Variants in MIDN observed in about 807,000 individuals in gnomAD.
MIDN encodes midnolin.
MIDN carries 26 observed loss-of-function variants against 46.1 expected under a neutral mutation model. The ratio of observed to expected loss-of-function variants is 0.56; its 90% CI spans 0.41 to 0.78. The LOEUF is 0.78. MIDN is among the 30% of genes least tolerant of loss of function. The probability of loss-of-function intolerance (pLI) is 0.00; values close to 1 mark genes in which losing one functional copy is unlikely to be tolerated. For synonymous variants in MIDN, 432 were observed against 343.3 expected (o/e 1.26, Z -2.86); for missense variants, 850 against 771.8 (o/e 1.10, Z -1.20).
chr19:1,255,147 C>T (rs952952723), intron 7 of MIDN, 86 bp downstream of exon 7: 35 of 1,458,518 alleles, frequency 2.4e-5, no homozygotes, highest in South Asian at 1.4e-4. Flanking sequence ...GGCGACTCCA[C>T]ATATTCTGGG....
At position 1,251,911 on chromosome 19, in the gene MIDN, C is replaced by T. The variant is rs770794580; in HGVS notation, c.384+10C>T. On this transcript the variant is annotated intron_variant, in intron 4 of 8. Coordinates refer to ENST00000682408, the MANE Select transcript of MIDN (RefSeq NM_001388306.1). ...TCTCACGGAGACGCAGGTAAGACCT[C>T]GCCAGCCCCTTCCTAACAGGGCAGC... The T allele has an allele frequency of 5.0e-6, 8 of 1,611,878 alleles. No individual in the cohort carries two copies. Among genetic ancestry groups the T allele is most frequent in the Non-Finnish European group, 5.9e-6 (7 of 1,178,850 alleles).
chr19:1,250,990 C>T (rs1017663701), intron 2 of MIDN, among the ~76,000 whole-genome samples: 7 of 152,246 alleles, frequency 4.6e-5, no homozygotes, highest in East Asian at 1.9e-4. Context: ...CGCCTGCAGG[C>T]CCGGAGCCCT....
chr19:1,255,606 C>T lies in MIDN; in HGVS notation c.1170C>T (p.Pro390=). The part of the protein sequence containing the change: ...SPASPAPDLA[P]RTTSCEKLTA... ...CCTCACCGGCCCCCGACCTGGCCCCCAGAACTACCTCCTGCGAGAAGCTCA... is the reference window on the plus strand; with the variant it reads ...CCTCACCGGCCCCCGACCTGGCCCCTAGAACTACCTCCTGCGAGAAGCTCA... Residue 390 remains proline (P), a synonymous_variant, in exon 8 of 9, where the codon CCC becomes CCT. Transcript: ENST00000682408. 7.5e-6 allele frequency: 12 copies of T among 1,609,730 alleles called. No individual in the cohort carries two copies. The highest frequency in any genetic ancestry group is 1.0e-5 in the Non-Finnish European group (12 of 1,179,342).
At chr19:1,256,582 G>T (rs2081202180) in intron 8 of MIDN, among the ~76,000 whole-genome samples, 1 of 152,036 alleles carries the variant, frequency 6.6e-6, no homozygotes, top group Admixed American at 6.5e-5. Context: ...GAAGAATGAG[G>T]CAGGACAGTC....
intron 7 of MIDN, 117 bp from the exon 8 acceptor site, chr19:1,255,305 C>A: frequency 7.5e-7 from 1 of 1,341,762 alleles, no homozygotes; most frequent in Non-Finnish European, 1.0e-6. Context: ...CCCTCGTGCA[C>A]ATCAGCCCAC....
chr19:1,252,179 C>T (rs1332590692), intron 4 of MIDN, among the ~76,000 whole-genome samples: 5 of 152,198 alleles, frequency 3.3e-5, no homozygotes, highest in South Asian at 2.1e-4. Flanking sequence ...GCCTATGGGG[C>T]CTCATCCCCG....
At chr19:1,251,215 G>A (rs2081123515) in intron 2 of MIDN, 2 of 259,290 alleles carry the variant, frequency 7.7e-6, no homozygotes, top group South Asian at 5.0e-5. Context: ...ACTAGAATTA[G>A]GGAATTGGGG....
At chr19:1,254,130 G>A in intron 5 of MIDN, 37 bp from the exon 6 acceptor site, 1 of 1,571,640 alleles carries the variant, frequency 6.4e-7, no homozygotes, top group African/African-American at 1.4e-5. Context: ...GGCGCCGCAA[G>A]CTGGGGCTCC....
At chr19:1,249,675 T>TGGGGGCGGGGCGA (rs1352669694) in intron 1 of MIDN, among the ~76,000 whole-genome samples, 6 of 129,776 alleles carry the variant, frequency 4.6e-5, no homozygotes, top group Non-Finnish European at 1.0e-4. Context: ...GCCTGGGCGC[T>TGGGGGCGGGGCGA]GGGGGCGGGG....
chr19:1,249,015 CA>C (rs1202132247), intron 1 of MIDN, among the ~76,000 whole-genome samples: 1 of 152,036 alleles, frequency 6.6e-6, no homozygotes, highest in Non-Finnish European at 1.5e-5. Context: ...CCTCCCCTGC[CA>C]GGGGCAGCGC....
Position 1,257,295 on chromosome 19 carries a change from G to C in MIDN, c.*23G>C. On this transcript the variant is annotated 3_prime_UTR_variant, in exon 9 of 9. Transcript: ENST00000682408. The stretch of plus-strand genomic sequence containing the variant: ...TAGGATCTTCGGATCGGCCACCCTC[G>C]CCCCTCGCACCCCAGCCCAGGGCGG... 6.2e-7 allele frequency: 1 copy of C among 1,605,212 alleles called. No homozygotes were observed. The highest frequency in any genetic ancestry group is 1.1e-5 in the South Asian group (1 of 90,832).
intron 2 of MIDN, 72 bp downstream of exon 2, chr19:1,250,601 G>C: frequency 1.2e-6 from 1 of 861,116 alleles, no homozygotes; most frequent in Non-Finnish European, 1.5e-6. Flanking sequence ...AGAGCGCGCC[G>C]CGCGGGGAAG....
Position 1,254,076 on chromosome 19 carries a change from GC to G in MIDN, c.511del (p.Gln171ArgfsTer12). The G allele has an allele frequency of 2.0e-6, 3 of 1,483,534 alleles. No individual in the cohort carries two copies. The highest frequency in any genetic ancestry group is 1.8e-6 in the Non-Finnish European group (2 of 1,124,802). 91.9% of individuals were successfully genotyped at this position (1,483,534 alleles called of 1,614,324 possible). ...AGAGCCCAGAGAGGGGCGGCGAGAGGCCCCAGGTCACAGCGCGGGGGGACTG... is the reference window on the plus strand; with the variant it reads ...AGAGCCCAGAGAGGGGCGGCGAGAGGCCCAGGTCACAGCGCGGGGGGACTG... ...PQSPERGGER[P>X]QVSDFLSGRS... On this transcript the variant is annotated frameshift_variant, in exon 5 of 9. Coordinates refer to ENST00000682408, the MANE Select transcript of MIDN (RefSeq NM_001388306.1). LOFTEE classifies it high-confidence loss of function.
At chr19:1,251,269 C>T in intron 2 of MIDN, 1 of 421,632 alleles carries the variant, frequency 2.4e-6, no homozygotes, top group Non-Finnish European at 4.3e-6. Context: ...GCATAGAGCA[C>T]ACTGGGGCCC....
Position 1,251,831 on chromosome 19 carries a change from C to G in MIDN, c.322-8C>G. The G allele has an allele frequency of 1.2e-6, 2 of 1,612,670 alleles. No individual in the cohort carries two copies. The highest frequency in any genetic ancestry group is 1.1e-5 in the South Asian group (1 of 91,060). ...ACACTCAGGCCCCTCTCCTCCCTCT[C>G]TTTGTAGTCTCAGGCCTCAAGGCCG... On this transcript the variant is annotated splice_polypyrimidine_tract_variant and splice_region_variant and intron_variant, in intron 3 of 8. Coordinates refer to ENST00000682408, the MANE Select transcript of MIDN (RefSeq NM_001388306.1).
intron 3 of MIDN, 57 bp from the exon 4 acceptor site, chr19:1,251,782 A>T (rs2285811): frequency 6.1e-5 from 96 of 1,569,804 alleles, no homozygotes; most frequent in Non-Finnish European, 8.2e-5. Context: ...TCCACCCCCT[A>T]TTCCAGCCCA....
At chr19:1,251,701 A>G (rs755153379) in intron 3 of MIDN, 52 bp downstream of exon 3, 81 of 1,560,416 alleles carry the variant, frequency 5.2e-5, no homozygotes, top group Non-Finnish European at 6.9e-5. Context: ...CACAGGCAGT[A>G]GCCCCTCCCT....
Position 1,251,134 on chromosome 19 carries a change from G to A in MIDN, c.234-428G>A, listed in dbSNP as rs138983992. ...CGCCGGGGAGGGAGGAGGAGGGGGA[G>A]CCCGGCCCGGCGCAACCCCCAGGGC... is the stretch of plus-strand genomic sequence containing the variant. On this transcript the variant is annotated intron_variant, in intron 2 of 8. Coordinates refer to ENST00000682408, the MANE Select transcript of MIDN (RefSeq NM_001388306.1). 2.8e-3 allele frequency: 445 copies of A among 158,150 alleles called. 2 individuals carry two copies. In the Middle Eastern group the frequency reaches 0.035, roughly 12 times the overall value. 9.8% of individuals were successfully genotyped at this position (158,150 alleles called of 1,614,324 possible).
rs772971499 is a variant in MIDN at position 1,257,209 on chromosome 19, C to T, written c.1473C>T (p.Phe491=). 37 of 1,612,180 alleles carry T rather than the reference C, an allele frequency of 2.3e-5. No individual in the cohort carries two copies. Among genetic ancestry groups the T allele is most frequent in the South Asian group, 9.9e-5 (9 of 91,082 alleles). Residue 491 remains phenylalanine (F), a synonymous_variant, in exon 9 of 9, where the codon TTC becomes TTT. Transcript: ENST00000682408. ...PSEASGLGLD[F]EDSVWKPEVN... is the part of the protein sequence containing the mutation. The stretch of plus-strand genomic sequence containing the variant: ...AGGCCTCCGGCTTGGGCCTCGACTT[C>T]GAGGACTCCGTGTGGAAGCCAGAAG...
Sources: allele counts gnomAD v4.1 joint callset (sites outside exome capture counted in the v4.1 genomes callset), GRCh38; gene constraint gnomAD v4.1.1; transcripts MANE v1.5; gene names NCBI Gene and HGNC (gene_info 2026-07-23, HGNC 2026-07-21).